The following PCDHA3 variants were observed in gnomAD, a reference collection of about 807,000 sequenced individuals.
PCDHA3 encodes the protein protocadherin alpha 3, also known as protocadherin alpha-3.
PCDHA3 carries 41 observed loss-of-function variants against 62.2 expected under a neutral mutation model. The observed-to-expected ratio is 0.66, with a 90% CI of 0.51 to 0.86. The LOEUF is 0.86. PCDHA3 is among the 40% of genes least tolerant of loss of function. The probability of loss-of-function intolerance (pLI) is 0.00; values close to 1 mark genes in which losing one functional copy is unlikely to be tolerated. For synonymous variants in PCDHA3, 640 were observed against 555.4 expected (o/e 1.15, Z -2.14); for missense variants, 1,304 against 1,241.2 (o/e 1.05, Z -0.76).
In PCDHA3 at chr5:140,805,258, G is replaced by A. The variant is rs1581671640; in HGVS notation, c.2394+1667G>A. 41 of 1,286,286 alleles carry A rather than the reference G, an allele frequency of 3.2e-5. 1 individual carries two copies. In the South Asian group the frequency reaches 8.8e-4, roughly 28 times the overall value. The allele number at this position is 1,286,286 out of a possible 1,614,324, so 79.7% of individuals were successfully genotyped here. On this transcript the variant is annotated intron_variant, in intron 1 of 3. Transcript: ENST00000522353. ...TCCCCATCTGTACATTAAAATACCT[G>A]GTAAATGAAAATATTACAAATGAAA...
chr5:140,855,039 T>C lies in PCDHA3; in HGVS notation c.2394+51448T>C, dbSNP rs1287918149. ...AAACTTCTTGTATAAAGGATTTTTC[T>C]GTAATAGTACTTTTCTGTTTTCTTA... is the stretch of plus-strand genomic sequence containing the variant. On this transcript the variant is annotated intron_variant, in intron 1 of 3. Transcript: ENST00000522353. Among the ~76,000 whole-genome samples the C allele has an allele frequency of 2.0e-5, 3 of 150,016 alleles. 1 individual carries two copies. The highest frequency in any genetic ancestry group is 7.3e-5 in the African/African-American group (3 of 40,938).
chr5:140,957,826 G>A (rs1282608668), intron 1 of PCDHA3, among the ~76,000 whole-genome samples: 3 of 151,106 alleles, frequency 2.0e-5, no homozygotes, highest in East Asian at 3.9e-4. Flanking sequence ...TTAAGAGAAA[G>A]TGTTAATTGA....
intron 1 of PCDHA3, among the ~76,000 whole-genome samples, chr5:140,845,512 T>C (rs2150379573): frequency 1.1e-4 from 17 of 149,824 alleles, no homozygotes; most frequent in Admixed American, 1.1e-3. Flanking sequence ...ACCTATTTCT[T>C]GTACATTAAT....
intron 1 of PCDHA3, chr5:140,858,664 AATTT>A: frequency 1.4e-6 from 1 of 728,728 alleles, no homozygotes; most frequent in Non-Finnish European, 2.2e-6. Flanking sequence ...TTTAAATAAC[AATTT>A]ATTCTGAATA....
intron 1 of PCDHA3, chr5:140,841,197 A>G: frequency 7.8e-7 from 1 of 1,277,430 alleles, no homozygotes; most frequent in Non-Finnish European, 1.1e-6. Context: ...CTTTTCTCTG[A>G]CAGCATCTGT....
chr5:140,834,060 A>G (rs1554134035), intron 1 of PCDHA3, among the ~76,000 whole-genome samples: 1 of 152,232 alleles, frequency 6.6e-6, no homozygotes, highest in Admixed American at 6.5e-5. Flanking sequence ...TCTAACAATC[A>G]TGAGAAATGC....
intron 1 of PCDHA3, chr5:140,828,847 C>G (rs1177890960): frequency 6.2e-7 from 1 of 1,614,050 alleles, no homozygotes; most frequent in African/African-American, 1.3e-5. Flanking sequence ...TAAGAATATT[C>G]GAAAATGCAG....
intron 1 of PCDHA3, among the ~76,000 whole-genome samples, chr5:140,902,253 G>T (rs1170626795): frequency 1.4e-5 from 2 of 144,500 alleles, no homozygotes; most frequent in Non-Finnish European, 3.0e-5. Flanking sequence ...GCCCAGGCTG[G>T]TCTCGAACTC....
At chr5:140,872,049 T>A (rs2053460307) in intron 1 of PCDHA3, among the ~76,000 whole-genome samples, 1 of 152,248 alleles carries the variant, frequency 6.6e-6, no homozygotes, top group African/African-American at 2.4e-5. Context: ...ATTCTCCCAC[T>A]TCAGCCTCCA....
chr5:140,822,336 A>G, intron 1 of PCDHA3: 1 of 1,614,204 alleles, frequency 6.2e-7, no homozygotes, highest in Non-Finnish European at 8.5e-7. Context: ...ATGAAGAAGA[A>G]ACGAACTTTT....
chr5:140,820,048 A>G (rs1464313684), intron 1 of PCDHA3, among the ~76,000 whole-genome samples: 1 of 151,984 alleles, frequency 6.6e-6, no homozygotes, highest in Non-Finnish European at 1.5e-5. Context: ...TTACTGTTAT[A>G]TAATAGAAAG....
intron 1 of PCDHA3, among the ~76,000 whole-genome samples, chr5:140,915,001 AGT>A (rs1563002922): frequency 6.9e-6 from 1 of 144,988 alleles, no homozygotes; most frequent in Non-Finnish European, 1.5e-5. Flanking sequence ...GCTGGAGTGC[AGT>A]GGCCTGATCT....
At chr5:140,841,791 C>A in intron 1 of PCDHA3, 1 of 1,613,854 alleles carries the variant, frequency 6.2e-7, no homozygotes, top group Non-Finnish European at 8.5e-7. Flanking sequence ...CTAGAGGGCG[C>A]GTCCGATGCA....
intron 1 of PCDHA3, among the ~76,000 whole-genome samples, chr5:140,937,132 GGTT>G (rs2091356684): frequency 6.6e-6 from 1 of 151,434 alleles, no homozygotes. Context: ...CCGCCTCCCG[GGTT>G]CATGCCATTC....
intron 1 of PCDHA3, chr5:140,928,070 A>G (rs1408962097): frequency 1.9e-6 from 3 of 1,614,058 alleles, no homozygotes; most frequent in East Asian, 4.5e-5. Flanking sequence ...TCCTTTGACA[A>G]CTACTACAGC....
At chr5:140,891,452 TG>T (rs2063116437) in intron 1 of PCDHA3, among the ~76,000 whole-genome samples, 1 of 150,254 alleles carries the variant, frequency 6.7e-6, no homozygotes, top group Non-Finnish European at 1.5e-5. Flanking sequence ...ATAGGATTTT[TG>T]AATTTGTGAA....
chr5:140,824,073 A>C, intron 1 of PCDHA3: 2 of 1,614,196 alleles, frequency 1.2e-6, no homozygotes, highest in Non-Finnish European at 1.7e-6. Context: ...CACCCAAAAC[A>C]GACCTCATGG....
At chr5:140,851,190 G>T in intron 1 of PCDHA3, 1 of 1,221,164 alleles carries the variant, frequency 8.2e-7, no homozygotes, top group Non-Finnish European at 1.1e-6. Flanking sequence ...AACCAATTTA[G>T]TTGTTAGTCA....
chr5:140,923,209 G>C (rs1454479273), intron 1 of PCDHA3, among the ~76,000 whole-genome samples: 3 of 150,998 alleles, frequency 2.0e-5, no homozygotes, highest in Non-Finnish European at 4.4e-5. Flanking sequence ...GGAGGCTAAG[G>C]TGAAAGGATC....
Sources: allele counts gnomAD v4.1 joint callset (sites outside exome capture counted in the v4.1 genomes callset), GRCh38; gene constraint gnomAD v4.1.1; transcripts MANE v1.5; gene names NCBI Gene and HGNC (gene_info 2026-07-23, HGNC 2026-07-21).